SMYD3: variants seen among roughly 807,000 people sequenced by gnomAD.
SMYD3 encodes the protein SET and MYND domain containing 3.
In SMYD3, 36 loss-of-function variants were observed where a neutral mutation model predicts 57.7. The observed-to-expected ratio is 0.62, with a 90% CI of 0.48 to 0.82. SMYD3 has a LOEUF of 0.82. Among genes scored for constraint, SMYD3 ranks in the 40% least tolerant of loss-of-function variants. The pLI, the probability that SMYD3 is intolerant of heterozygous loss-of-function variation, is 0.00. For missense variants in SMYD3, 515 were observed against 538.8 expected (o/e 0.96, Z 0.44); for synonymous variants, 211 against 195.0 (o/e 1.08, Z -0.68).
At chr1:246,494,850 C>CA (rs1426560908) in intron 1 of SMYD3, among the ~76,000 whole-genome samples, 2 of 152,186 alleles carry the variant, frequency 1.3e-5, no homozygotes, top group Non-Finnish European at 2.9e-5. Context: ...GTAAACAGAA[C>CA]ATGCTAATGT....
At chr1:246,042,945 C>A (rs988417523) in intron 5 of SMYD3, among the ~76,000 whole-genome samples, 1 of 152,114 alleles carries the variant, frequency 6.6e-6, no homozygotes, top group Non-Finnish European at 1.5e-5. Context: ...TTAATAAATA[C>A]GTAAATATAC....
chr1:245,939,590 C>G (rs550356460), intron 5 of SMYD3, among the ~76,000 whole-genome samples: 16 of 151,980 alleles, frequency 1.1e-4, no homozygotes, highest in African/African-American at 2.4e-4. Context: ...TCGCACCACT[C>G]CACTCCAGCC....
intron 5 of SMYD3, among the ~76,000 whole-genome samples, chr1:246,162,184 G>C (rs1458279318): frequency 1.3e-5 from 2 of 152,192 alleles, no homozygotes; most frequent in African/African-American, 4.8e-5. Flanking sequence ...ATCCCGCAAT[G>C]ACCACTAATT....
chr1:246,115,226 G>C (rs1477311447), intron 5 of SMYD3, among the ~76,000 whole-genome samples: 1 of 152,164 alleles, frequency 6.6e-6, no homozygotes, highest in Non-Finnish European at 1.5e-5. Flanking sequence ...CCTGAAGCTG[G>C]GACAGGACCA....
intron 5 of SMYD3, among the ~76,000 whole-genome samples, chr1:246,258,599 T>A (rs1279704807): frequency 6.6e-6 from 1 of 152,224 alleles, no homozygotes; most frequent in Non-Finnish European, 1.5e-5. Context: ...GTTGGCCTGA[T>A]AGGGCTCCTG....
At chr1:246,112,635 T>C (rs1322967179) in intron 5 of SMYD3, among the ~76,000 whole-genome samples, 2 of 152,234 alleles carry the variant, frequency 1.3e-5, no homozygotes, top group Admixed American at 6.5e-5. Context: ...CCGTGAATAA[T>C]GTGTATTTTG....
In SMYD3 at chr1:246,431,432, A is replaced by G. The variant is rs149532224; in HGVS notation, c.164+75622T>C. Among the ~76,000 whole-genome samples the G allele has an allele frequency of 4.6e-3, 704 of 152,322 alleles. 9 individuals carry two copies. The highest frequency in any genetic ancestry group is 0.016 in the African/African-American group (658 of 41,570). The stretch of plus-strand genomic sequence containing the variant: ...CACACCTTTTGTATGACCTCTTGCT[A>G]AAAGGAGCAACTTTAGGCCAGGTGA... On this transcript the variant is annotated intron_variant, in intron 1 of 11. Coordinates refer to ENST00000490107, the MANE Select transcript of SMYD3 (RefSeq NM_001167740.2).
chr1:246,319,776 A>G (rs779268905), intron 5 of SMYD3, among the ~76,000 whole-genome samples: 16 of 152,202 alleles, frequency 1.1e-4, no homozygotes, highest in Non-Finnish European at 2.1e-4. Context: ...GGTTAACAGA[A>G]CTGAAAATTT....
chr1:246,002,964 C>T lies in SMYD3; in HGVS notation c.532-73027G>A, dbSNP rs1365608525. On this transcript the variant is annotated intron_variant, in intron 5 of 11. Coordinates refer to ENST00000490107, the MANE Select transcript of SMYD3 (RefSeq NM_001167740.2). Reference sequence around the variant, plus strand: ...CCCATTCTTCGGCCTCACTGCATGGCTCACACGGAAACATCTCAGTTTACC... The same window carrying T: ...CCCATTCTTCGGCCTCACTGCATGGTTCACACGGAAACATCTCAGTTTACC... Among the ~76,000 whole-genome samples the T allele has an allele frequency of 3.9e-5, 6 of 152,190 alleles. No individual in the cohort carries two copies. The East Asian group carries it at 7.7e-4, about 20-fold the overall frequency.
At position 245,976,855 on chromosome 1, in the gene SMYD3, CTAGCCTAGGGAAAGCCAT is replaced by C. The variant is rs1558550711; in HGVS notation, c.532-46936_532-46919del. On this transcript the variant is annotated intron_variant, in intron 5 of 11. Coordinates refer to ENST00000490107, the MANE Select transcript of SMYD3 (RefSeq NM_001167740.2). ...TCTAGCCTAGGGAAAGCCATCGTCT[CTAGCCTAGGGAAAGCCAT>C]CGTCTCCGGCCCAGGGAAAGCCATC... 2.9e-4 allele frequency among the ~76,000 whole-genome samples: 10 copies of C among 34,994 alleles called. 1 individual carries two copies. The highest frequency in any genetic ancestry group is 5.7e-4 in the Non-Finnish European group (6 of 10,530). The allele number at this position is 34,994 out of a possible 152,430, so 23.0% of individuals were successfully genotyped here. A position where few individuals can be genotyped will look rare whatever the true frequency, so the allele number is the denominator to read the frequency against.
At chr1:245,854,511 A>T (rs2051133672) in intron 10 of SMYD3, among the ~76,000 whole-genome samples, 1 of 152,170 alleles carries the variant, frequency 6.6e-6, no homozygotes, top group Admixed American at 6.5e-5. Flanking sequence ...AAGGTAGCTA[A>T]TCTGGAGCTA....
rs1275087627 is a variant in SMYD3 at position 246,121,489 on chromosome 1, TTTAAAAA to T, written c.532-191559_532-191553del. On this transcript the variant is annotated intron_variant, in intron 5 of 11. Transcript: ENST00000490107. ...TTATTGTTCATTATAACTGTAATCT[TTTAAAAA>T]TGAAAGAGTCCAAAATTCATCTAAA... 2.0e-5 allele frequency among the ~76,000 whole-genome samples: 3 copies of T among 150,262 alleles called. No individual in the cohort carries two copies. The East Asian group carries it at 6.0e-4, about 30-fold the overall frequency.
intron 1 of SMYD3, among the ~76,000 whole-genome samples, chr1:246,387,785 A>C (rs1219443922): frequency 6.6e-6 from 1 of 152,256 alleles, no homozygotes; most frequent in African/African-American, 2.4e-5. Context: ...AATTATATTA[A>C]AAATAACATT....
At position 246,150,033 on chromosome 1, in the gene SMYD3, A is replaced by T. The variant is rs147709609; in HGVS notation, c.531+177168T>A. Among the ~76,000 whole-genome samples the T allele has an allele frequency of 2.0e-5, 3 of 152,372 alleles. No homozygotes were observed. In the East Asian group the frequency reaches 5.8e-4, roughly 29 times the overall value. On this transcript the variant is annotated intron_variant, in intron 5 of 11. Transcript: ENST00000490107. ...CTTTTGCATCCGCAGCTATAGAGAA[A>T]GAAATTCTGTTTTTTTAACTTACCT...
intron 1 of SMYD3, among the ~76,000 whole-genome samples, chr1:246,506,373 A>T (rs371079470): frequency 6.6e-6 from 1 of 152,212 alleles, no homozygotes; most frequent in Non-Finnish European, 1.5e-5. Context: ...ACATGCCTGC[A>T]CAGCCATTAA....
chr1:245,810,635 C>T (rs1179791795), intron 10 of SMYD3, among the ~76,000 whole-genome samples: 1 of 152,132 alleles, frequency 6.6e-6, no homozygotes, highest in Non-Finnish European at 1.5e-5. Flanking sequence ...TGGACCTGAG[C>T]AGCAGTTTCA....
intron 7 of SMYD3, among the ~76,000 whole-genome samples, chr1:245,925,818 G>C (rs2056335336): frequency 6.6e-6 from 1 of 152,174 alleles, no homozygotes. Context: ...TGCCAAAAAT[G>C]TATTAATAAC....
At chr1:246,198,460 T>C (rs1437375458) in intron 5 of SMYD3, among the ~76,000 whole-genome samples, 1 of 152,220 alleles carries the variant, frequency 6.6e-6, no homozygotes, top group Non-Finnish European at 1.5e-5. Flanking sequence ...GTAAAATGAA[T>C]TTGATAAAAA....
intron 10 of SMYD3, among the ~76,000 whole-genome samples, chr1:245,833,073 A>AAAAAAAAAAACAAC: frequency 7.8e-6 from 1 of 128,652 alleles, no homozygotes; most frequent in South Asian, 3.1e-4. Flanking sequence ...AAAAAAAAAA[A>AAAAAAAAAAACAAC]AACCTGCTTT....
Sources: allele counts gnomAD v4.1 joint callset (sites outside exome capture counted in the v4.1 genomes callset), GRCh38; gene constraint gnomAD v4.1.1; transcripts MANE v1.5; gene names NCBI Gene and HGNC (gene_info 2026-07-23, HGNC 2026-07-21).